Variants in VAV3 observed in about 807,000 individuals in gnomAD.
VAV3 encodes guanine nucleotide exchange factor VAV3.
Under a neutral mutation model 131.2 loss-of-function variants are expected in VAV3, and 94 were observed. The ratio of observed to expected loss-of-function variants is 0.72; its 90% CI spans 0.61 to 0.85. VAV3 has a LOEUF of 0.85. VAV3 is among the 40% of genes least tolerant of loss of function. The pLI, the probability that VAV3 is intolerant of heterozygous loss-of-function variation, is 0.00. For synonymous variants in VAV3, 349 were observed against 342.0 expected, an observed-to-expected ratio of 1.02 and a Z score of -0.22; for missense variants, 939 against 1,002.7, an observed-to-expected ratio of 0.94 and a Z score of 0.86.
chr1:107,870,880 ACACT>A (rs1356944174), intron 2 of VAV3, among the ~76,000 whole-genome samples: 14 of 152,254 alleles, frequency 9.2e-5, no homozygotes, highest in Non-Finnish European at 2.9e-5. Context: ...CAGGCCCTTC[ACACT>A]CACCCAGAGG....
chr1:107,730,330 T>C (rs536733072), intron 15 of VAV3, among the ~76,000 whole-genome samples: 5 of 152,326 alleles, frequency 3.3e-5, no homozygotes, highest in Admixed American at 2.0e-4. Context: ...TTAACGATCA[T>C]CTGAATCCAC....
chr1:107,702,884 C>A (rs78697470), intron 17 of VAV3, among the ~76,000 whole-genome samples: 1 of 151,656 alleles, frequency 6.6e-6, no homozygotes, highest in Non-Finnish European at 1.5e-5. Context: ...TGGTAAGAAT[C>A]AACATTATCT....
rs1670421132 is a variant in VAV3 at position 107,874,924 on chromosome 1, A to G, written c.298T>C (p.Phe100Leu). 6.2e-7 allele frequency: 1 copy of G among 1,613,214 alleles called. No individual in the cohort carries two copies. The highest frequency in any genetic ancestry group is 1.3e-5 in the African/African-American group (1 of 74,874). The change falls in exon 2 of 27, where the codon TTT (phenylalanine) becomes CTT (leucine). Residue 100 changes from phenylalanine to leucine, a missense_variant. Phe to Leu is a conservative substitution (Grantham distance 22). Transcript: ENST00000370056. ...KSELFEAFDL[F>L]DVRDFGKVIE... ...ACCTTTCCAAAGTCACGAACATCAA[A>G]CAAGTCAAATGCCTCGAAAAGTTCA...
At chr1:107,695,630 T>C (rs950708624) in intron 17 of VAV3, among the ~76,000 whole-genome samples, 1 of 152,132 alleles carries the variant, frequency 6.6e-6, no homozygotes, top group African/African-American at 2.4e-5. Flanking sequence ...AAGGAGAAGA[T>C]GGTAATTTAA....
At chr1:107,800,551 G>C (rs937541305) in intron 2 of VAV3, among the ~76,000 whole-genome samples, 2 of 152,050 alleles carry the variant, frequency 1.3e-5, no homozygotes, top group African/African-American at 4.8e-5. Context: ...TCATATTTTA[G>C]ATTCAGGAGG....
intron 21 of VAV3, among the ~76,000 whole-genome samples, chr1:107,614,311 G>A (rs1205082799): frequency 6.6e-6 from 1 of 151,952 alleles, no homozygotes; most frequent in Non-Finnish European, 1.5e-5. Context: ...TGTAGCAAAT[G>A]CAGGAAAATA....
At chr1:107,844,246 A>G (rs141104165) in intron 2 of VAV3, among the ~76,000 whole-genome samples, 2 of 152,068 alleles carry the variant, frequency 1.3e-5, no homozygotes, top group East Asian at 3.9e-4. Flanking sequence ...AGCCAAGGGA[A>G]GCCTTGAGGG....
chr1:107,653,946 T>C (rs1656357475), intron 19 of VAV3, among the ~76,000 whole-genome samples: 1 of 152,080 alleles, frequency 6.6e-6, no homozygotes, highest in African/African-American at 2.4e-5. Flanking sequence ...CTGAGTTGTG[T>C]ATTCTTTTGA....
chr1:107,805,123 T>C (rs1176737495), intron 2 of VAV3, among the ~76,000 whole-genome samples: 1 of 152,190 alleles, frequency 6.6e-6, no homozygotes, highest in Non-Finnish European at 1.5e-5. Context: ...GAGAGTTTAT[T>C]ATGCTTCTTG....
intron 1 of VAV3, among the ~76,000 whole-genome samples, chr1:107,955,049 T>C (rs1032303050): frequency 2.6e-5 from 4 of 152,194 alleles, no homozygotes; most frequent in Admixed American, 1.3e-4. Flanking sequence ...GCAGTGATAA[T>C]CATTATAGTA....
Position 107,628,687 on chromosome 1 carries a change from G to A in VAV3, c.1915-11055C>T, listed in dbSNP as rs145865021. ...TGCCTTTAAAAGTGTGTTTTTCTTAGAGGTGTTAGAAAATTAAATGACTCT... is the reference window on the plus strand; with the variant it reads ...TGCCTTTAAAAGTGTGTTTTTCTTAAAGGTGTTAGAAAATTAAATGACTCT... On this transcript the variant is annotated intron_variant, in intron 20 of 26. Transcript: ENST00000370056. 7.6e-3 allele frequency among the ~76,000 whole-genome samples: 1,160 copies of A among 152,202 alleles called. 15 individuals are homozygous for A. Among genetic ancestry groups the A allele is most frequent in the Non-Finnish European group, 0.013 (857 of 68,008 alleles).
At chr1:107,945,637 C>G (rs1001638179) in intron 1 of VAV3, among the ~76,000 whole-genome samples, 1 of 152,004 alleles carries the variant, frequency 6.6e-6, no homozygotes, top group African/African-American at 2.4e-5. Flanking sequence ...GCCTGGCCAA[C>G]ATGGTGAAAC....
intron 19 of VAV3, among the ~76,000 whole-genome samples, chr1:107,674,719 C>G (rs1658069054): frequency 6.6e-6 from 1 of 152,188 alleles, no homozygotes; most frequent in South Asian, 2.1e-4. Context: ...CCCCAATGAT[C>G]CTTGCCTCCT....
intron 25 of VAV3, among the ~76,000 whole-genome samples, chr1:107,574,963 C>CTGTGTGTGTGTGTG (rs753834313): frequency 1.2e-5 from 1 of 81,114 alleles, no homozygotes; most frequent in African/African-American, 4.5e-5. Context: ...TTGAGTTTCT[C>CTGTGTGTGTGTGTG]TGTGTGTGTG....
At chr1:107,627,483 C>T (rs1654110580) in intron 20 of VAV3, among the ~76,000 whole-genome samples, 1 of 152,124 alleles carries the variant, frequency 6.6e-6, no homozygotes, top group Admixed American at 6.6e-5. Context: ...GGACTCTTCA[C>T]ATTAAATATT....
intron 17 of VAV3, among the ~76,000 whole-genome samples, chr1:107,693,260 G>A (rs1018545299): frequency 6.6e-6 from 1 of 152,164 alleles, no homozygotes; most frequent in Non-Finnish European, 1.5e-5. Flanking sequence ...GAGTGGAACT[G>A]CCTGCCCTTT....
intron 11 of VAV3, among the ~76,000 whole-genome samples, chr1:107,755,916 G>A (rs894812409): frequency 6.6e-6 from 1 of 152,236 alleles, no homozygotes; most frequent in Non-Finnish European, 1.5e-5. Context: ...CGATTAGCAT[G>A]AGAAAAGTAA....
chr1:107,904,440 C>T (rs1557914027), intron 1 of VAV3, among the ~76,000 whole-genome samples: 1 of 152,182 alleles, frequency 6.6e-6, no homozygotes, highest in Non-Finnish European at 1.5e-5. Context: ...TCACCAACGA[C>T]CTCTCAACTG....
At position 107,571,261 on chromosome 1, in the gene VAV3, A is replaced by G. The variant is rs1383831641; in HGVS notation, c.*2070T>C. 1.3e-5 allele frequency: 2 copies of G among 152,714 alleles called. No individual in the cohort carries two copies. Among genetic ancestry groups the G allele is most frequent in the African/African-American group, 4.8e-5 (2 of 41,480 alleles). 9.5% of individuals were successfully genotyped at this position (152,714 alleles called of 1,614,324 possible). Reference sequence around the variant, plus strand: ...ATTACACGAGGGCTGCATACAGGCAAGACAAAGTATATGGAAAACATTTAC... The same window carrying G: ...ATTACACGAGGGCTGCATACAGGCAGGACAAAGTATATGGAAAACATTTAC... On this transcript the variant is annotated 3_prime_UTR_variant, in exon 27 of 27. Coordinates refer to ENST00000370056, the MANE Select transcript of VAV3 (RefSeq NM_006113.5).
Sources: gnomAD v4.1 joint callset for allele counts (sites outside exome capture counted in the v4.1 genomes callset) on GRCh38, gnomAD v4.1.1 for gene constraint, MANE v1.5 for transcripts, NCBI Gene and HGNC (gene_info 2026-07-23, HGNC 2026-07-21) for gene names.